DGKG: variants seen among roughly 807,000 people sequenced by gnomAD.
DGKG encodes the protein DAG kinase gamma.
A neutral mutation model predicts 105.3 loss-of-function variants in DGKG; 78 were observed. The ratio of observed to expected loss-of-function variants is 0.74; its 90% confidence interval spans 0.62 to 0.89. The LOEUF (loss-of-function observed/expected upper bound fraction) is 0.89. Ranked by LOEUF, DGKG falls within the 40% of genes least tolerant of loss-of-function variation. DGKG has a pLI of 0.00. For missense variants in DGKG, 958 were observed against 1,020.1 expected (o/e 0.94, Z 0.83); for synonymous variants, 346 against 367.1 (o/e 0.94, Z 0.66).
intron 1 of DGKG, among the ~76,000 whole-genome samples, chr3:186,334,186 T>C (rs1356360633): frequency 2.0e-5 from 3 of 152,138 alleles, no homozygotes; most frequent in East Asian, 3.8e-4. Flanking sequence ...TAAAATAATC[T>C]CTCAAGGTAA....
chr3:186,266,763 A>T (rs1397983382), intron 13 of DGKG, among the ~76,000 whole-genome samples: 1 of 151,944 alleles, frequency 6.6e-6, no homozygotes, highest in Admixed American at 6.6e-5. Context: ...ACGCCTGGCT[A>T]ATTTTTGTAT....
rs1165723037 is a variant in DGKG at position 186,310,265 on chromosome 3, C to CAAAAAA, written c.68-3294_68-3289dup. ...CTGGCAACAAAGCAAGACTCCGTCT[C>CAAAAAA]AAAAAAAAAAAAAAAAAAAAAAAAC... On this transcript the variant is annotated intron_variant, in intron 2 of 24. Coordinates refer to ENST00000265022, the MANE Select transcript of DGKG (RefSeq NM_001346.3). 2.4e-3 allele frequency among the ~76,000 whole-genome samples: 79 copies of CAAAAAA among 33,286 alleles called. 6 individuals are homozygous for CAAAAAA. Among genetic ancestry groups the CAAAAAA allele is most frequent in the African/African-American group, 3.7e-3 (41 of 11,092 alleles). The allele number at this position is 33,286 out of a possible 152,430, so 21.8% of individuals were successfully genotyped here.
At position 186,218,021 on chromosome 3, in the gene DGKG, C is replaced by G. The variant is rs17295589; in HGVS notation, c.1827-6136G>C. On this transcript the variant is annotated intron_variant, in intron 20 of 24. Transcript: ENST00000265022. ...TGGGTGTCAGCATTAGATTGGGAGG[C>G]CTGGTGAAACAGATGCTACCCACAA... 8.7e-3 allele frequency among the ~76,000 whole-genome samples: 1,321 copies of G among 152,178 alleles called. 4 individuals are homozygous for G. Among genetic ancestry groups the G allele is most frequent in the Non-Finnish European group, 0.014 (924 of 67,976 alleles).
In DGKG at chr3:186,279,905, G is replaced by C. The variant is rs1244701468; in HGVS notation, c.738C>G (p.Val246=). The C allele has an allele frequency of 1.2e-6, 2 of 1,614,066 alleles. No individual in the cohort carries two copies. Among genetic ancestry groups the C allele is most frequent in the Non-Finnish European group, 1.7e-6 (2 of 1,179,966 alleles). The part of the protein sequence containing the change: ...RDGFVSLQEW[V]HGGMTTIPLL... The stretch of plus-strand genomic sequence containing the variant: ...ATGGGATGGTGGTCATCCCTCCATG[G>C]ACCCATTCCTGTAGAGACACAAAGC... Residue 246 remains valine, a synonymous_variant, in exon 9 of 25, where the codon GTC becomes GTG. Transcript: ENST00000265022.
At chr3:186,307,949 A>T in intron 2 of DGKG, among the ~76,000 whole-genome samples, 1 of 151,084 alleles carries the variant, frequency 6.6e-6, no homozygotes, top group Admixed American at 6.6e-5. Flanking sequence ...TCATTCTGAC[A>T]CATAAAACAT....
chr3:186,245,057 T>C (rs1720875733), intron 19 of DGKG, among the ~76,000 whole-genome samples: 1 of 152,222 alleles, frequency 6.6e-6, no homozygotes, highest in Non-Finnish European at 1.5e-5. Flanking sequence ...CAATCACATG[T>C]TGCCTGGCAC....
In DGKG at chr3:186,284,728, T is replaced by G; in HGVS notation, c.545-19A>C. Reference sequence around the variant, plus strand: ...AACATGACTGTAAGAAACACAGAGGTAAGCCTTGAGGTGTCCTCTAAGAAG... The same window carrying G: ...AACATGACTGTAAGAAACACAGAGGGAAGCCTTGAGGTGTCCTCTAAGAAG... On this transcript the variant is annotated intron_variant, in intron 6 of 24. Coordinates refer to ENST00000265022, the MANE Select transcript of DGKG (RefSeq NM_001346.3). This position sits in a 1 kb window ranked among gnomAD's most constrained non-coding sequence, Gnocchi z 4.0. 6.2e-7 allele frequency: 1 copy of G among 1,612,750 alleles called. No homozygotes were observed. Among genetic ancestry groups the G allele is most frequent in the Non-Finnish European group, 8.5e-7 (1 of 1,178,824 alleles).
At chr3:186,151,668 T>C (rs1210819335) in intron 24 of DGKG, among the ~76,000 whole-genome samples, 1 of 152,118 alleles carries the variant, frequency 6.6e-6, no homozygotes, top group Non-Finnish European at 1.5e-5. Flanking sequence ...GCATGAGAGA[T>C]GGCATTCTGT....
At chr3:186,301,109 CA>C (rs1723898875) in intron 3 of DGKG, among the ~76,000 whole-genome samples, 1 of 152,196 alleles carries the variant, frequency 6.6e-6, no homozygotes, top group Non-Finnish European at 1.5e-5. Flanking sequence ...TCTTCTGCAA[CA>C]TCTGTCACAT....
chr3:186,347,305 A>C (rs1192684673), intron 1 of DGKG, among the ~76,000 whole-genome samples: 1 of 151,930 alleles, frequency 6.6e-6, no homozygotes, highest in East Asian at 2.0e-4. Context: ...AAAATTAGCC[A>C]GGCATGGTGG....
intron 1 of DGKG, among the ~76,000 whole-genome samples, chr3:186,329,637 T>C (rs1578842606): frequency 6.6e-6 from 1 of 152,222 alleles, no homozygotes; most frequent in African/African-American, 2.4e-5. Flanking sequence ...GCTACAAAGA[T>C]AAAAACCTCT....
chr3:186,345,148 C>T (rs1326331931), intron 1 of DGKG, among the ~76,000 whole-genome samples: 1 of 152,148 alleles, frequency 6.6e-6, no homozygotes, highest in East Asian at 1.9e-4. Context: ...AAACAATCCT[C>T]ATTGTATTAT....
chr3:186,279,516 C>T (rs923883627), intron 9 of DGKG: 4 of 168,464 alleles, frequency 2.4e-5, no homozygotes, highest in Non-Finnish European at 5.1e-5. Context: ...ATTTTTAAAC[C>T]TAATTTGTTG....
intron 21 of DGKG, among the ~76,000 whole-genome samples, chr3:186,205,708 C>A (rs1718698445): frequency 6.7e-6 from 1 of 149,916 alleles, no homozygotes; most frequent in African/African-American, 2.5e-5. Context: ...AGCTCCATCT[C>A]AAAAAAAAAC....
intron 19 of DGKG, among the ~76,000 whole-genome samples, chr3:186,247,537 T>C (rs1393976685): frequency 6.6e-6 from 1 of 152,246 alleles, no homozygotes; most frequent in Non-Finnish European, 1.5e-5. Context: ...ACATACCTAC[T>C]TCTCTTACAA....
At chr3:186,258,109 C>G (rs1260903629) in intron 16 of DGKG, among the ~76,000 whole-genome samples, 170 bp from the exon 17 acceptor site, 1 of 152,160 alleles carries the variant, frequency 6.6e-6, no homozygotes, top group African/African-American at 2.4e-5. Context: ...CTATGCAGTG[C>G]CTTGAATATG....
chr3:186,338,373 G>A (rs532287461), intron 1 of DGKG, among the ~76,000 whole-genome samples: 11 of 152,174 alleles, frequency 7.2e-5, no homozygotes, highest in African/African-American at 2.6e-4. Flanking sequence ...TACTAGCTAC[G>A]TGACTGGTAA....
At chr3:186,301,989 C>G (rs1439218487) in intron 3 of DGKG, among the ~76,000 whole-genome samples, 1 of 152,180 alleles carries the variant, frequency 6.6e-6, no homozygotes, top group African/African-American at 2.4e-5. Flanking sequence ...TCCATGCACT[C>G]TACCCTGCAT....
chr3:186,222,158 G>A (rs1035705846), intron 20 of DGKG, among the ~76,000 whole-genome samples: 10 of 152,156 alleles, frequency 6.6e-5, no homozygotes, highest in African/African-American at 4.8e-5. Flanking sequence ...CTCCCCTCTC[G>A]CTCCCCAGCC....
Sources: allele counts gnomAD v4.1 joint callset (sites outside exome capture counted in the v4.1 genomes callset), GRCh38; gene constraint gnomAD v4.1.1; non-coding constraint Gnocchi (gnomAD v3.1); transcripts MANE v1.5; gene names NCBI Gene and HGNC (gene_info 2026-07-23, HGNC 2026-07-21).